Variants in ZHX2 observed in about 807,000 individuals in gnomAD.
The protein encoded by ZHX2 is zinc fingers and homeoboxes 2, also known as zinc fingers and homeoboxes protein 2.
In ZHX2, 6 loss-of-function variants were observed where a neutral mutation model predicts 21.9. That is an observed-to-expected ratio of 0.27 (90% CI 0.15 to 0.54). ZHX2 has a LOEUF of 0.54. Ranked by LOEUF, ZHX2 falls within the 20% of genes least tolerant of loss-of-function variation. The pLI is 0.95. For missense variants in ZHX2, 908 were observed against 1,090.7 expected, an observed-to-expected ratio of 0.83 and a Z score of 2.36; for synonymous variants, 434 against 437.1, an observed-to-expected ratio of 0.99 and a Z score of 0.09.
intron 1 of ZHX2, among the ~76,000 whole-genome samples, chr8:122,841,047 G>T (rs1238516165): frequency 6.6e-6 from 1 of 152,142 alleles, no homozygotes; most frequent in African/African-American, 2.4e-5. Flanking sequence ...CTCTTGTTTC[G>T]AACACTGAGC....
chr8:122,943,775 T>C (rs1053284436), intron 2 of ZHX2, among the ~76,000 whole-genome samples: 110 of 152,304 alleles, frequency 7.2e-4, no homozygotes, highest in African/African-American at 2.5e-3. Context: ...TTGTTCTTCA[T>C]TGATGTGCCT....
chr8:122,820,363 G>A (rs771493881), intron 1 of ZHX2, among the ~76,000 whole-genome samples: 35 of 152,238 alleles, frequency 2.3e-4, no homozygotes, highest in Non-Finnish European at 4.6e-4. Flanking sequence ...CTGTGGAGAA[G>A]CCCATATATA....
chr8:122,915,727 A>C (rs1820585047), intron 2 of ZHX2, among the ~76,000 whole-genome samples: 1 of 152,186 alleles, frequency 6.6e-6, no homozygotes. Context: ...TGCGTGTCTC[A>C]TTTGCAACAG....
chr8:122,914,596 C>T (rs1459714970), intron 2 of ZHX2, among the ~76,000 whole-genome samples: 2 of 152,180 alleles, frequency 1.3e-5, no homozygotes, highest in Non-Finnish European at 2.9e-5. Context: ...TTACCACTTC[C>T]CAGATTCGCC....
chr8:122,858,825 G>C (rs1819097487), intron 1 of ZHX2, among the ~76,000 whole-genome samples: 1 of 152,074 alleles, frequency 6.6e-6, no homozygotes, highest in South Asian at 2.1e-4. Context: ...ATTTTTAGTA[G>C]AGACAGGATT....
intron 2 of ZHX2, among the ~76,000 whole-genome samples, chr8:122,899,528 G>A (rs1820177196): frequency 6.6e-6 from 1 of 152,194 alleles, no homozygotes; most frequent in Admixed American, 6.5e-5. Context: ...CAAGCCCTTT[G>A]AGGCAATAGA....
At chr8:122,824,186 T>C (rs1402344755) in intron 1 of ZHX2, among the ~76,000 whole-genome samples, 1 of 152,200 alleles carries the variant, frequency 6.6e-6, no homozygotes, top group Non-Finnish European at 1.5e-5. Flanking sequence ...ACCTGCTCTT[T>C]CTCATCACTA....
At chr8:122,821,292 A>G (rs1482079695) in intron 1 of ZHX2, among the ~76,000 whole-genome samples, 1 of 152,090 alleles carries the variant, frequency 6.6e-6, no homozygotes, top group African/African-American at 2.4e-5. Flanking sequence ...GGGCGCTGGG[A>G]TGGGATACAA....
chr8:122,800,638 A>C (rs1817700931), intron 1 of ZHX2, among the ~76,000 whole-genome samples: 1 of 152,240 alleles, frequency 6.6e-6, no homozygotes, highest in African/African-American at 2.4e-5. Context: ...GCAACTGATG[A>C]AACATCTTTG....
At chr8:122,830,901 C>G (rs970777224) in intron 1 of ZHX2, among the ~76,000 whole-genome samples, 9 of 152,280 alleles carry the variant, frequency 5.9e-5, no homozygotes, top group African/African-American at 2.2e-4. Flanking sequence ...TGGCGGGTTT[C>G]TAGAGCCAGC....
intron 1 of ZHX2, among the ~76,000 whole-genome samples, chr8:122,784,896 G>A (rs149052823): frequency 2.0e-5 from 3 of 152,316 alleles, no homozygotes; most frequent in East Asian, 3.9e-4. Context: ...AATGCAGAGC[G>A]CATAACCAGA....
chr8:122,928,908 A>T (rs1171840352), intron 2 of ZHX2, among the ~76,000 whole-genome samples: 1 of 152,200 alleles, frequency 6.6e-6, no homozygotes, highest in African/African-American at 2.4e-5. Context: ...AGTTTTCCAT[A>T]AAGATAGGAC....
rs1475860722 is a variant in ZHX2 at position 122,961,851 on chromosome 8, CA to C, written c.*4+7824del. ...AAGCCTAACAATATCACCCCTAGAG[CA>C]GGGTTCTAGCATTAGTACCAATAGA... On this transcript the variant is annotated intron_variant, in intron 3 of 3. Coordinates refer to ENST00000314393, the MANE Select transcript of ZHX2 (RefSeq NM_014943.5). Among the ~76,000 whole-genome samples, 4 of 152,280 alleles carry C rather than the reference CA, an allele frequency of 2.6e-5. No homozygotes were observed. In the East Asian group the frequency reaches 7.7e-4, roughly 29 times the overall value.
chr8:122,905,485 T>A (rs951488559), intron 2 of ZHX2, among the ~76,000 whole-genome samples: 4 of 152,232 alleles, frequency 2.6e-5, no homozygotes, highest in Admixed American at 1.3e-4. Context: ...GCTAAGAGGA[T>A]TTTTAGCCAA....
chr8:122,801,768 TAA>T (rs1405206332), intron 1 of ZHX2, among the ~76,000 whole-genome samples: 2 of 152,010 alleles, frequency 1.3e-5, no homozygotes, highest in African/African-American at 4.8e-5. Context: ...AAAAAGAGAT[TAA>T]AGAGGCAGAG....
At position 122,782,869 on chromosome 8, in the gene ZHX2, C is replaced by G. The variant is rs1039764632; in HGVS notation, c.-283+923C>G. On this transcript the variant is annotated intron_variant, in intron 1 of 3. Coordinates refer to ENST00000314393, the MANE Select transcript of ZHX2 (RefSeq NM_014943.5). The surrounding 1 kb of genome is among the most constrained non-coding windows in gnomAD (Gnocchi z 5.3). ...TTCGTCTGCCCCACAAGAGGTTAAT[C>G]TTTGTTGGTGTTGCAGCTTCTTTGT... Among the ~76,000 whole-genome samples, 12 of 152,226 alleles carry G rather than the reference C, an allele frequency of 7.9e-5. No individual in the cohort carries two copies.
intron 1 of ZHX2, among the ~76,000 whole-genome samples, chr8:122,803,758 C>T (rs1355093972): frequency 6.6e-6 from 1 of 152,194 alleles, no homozygotes; most frequent in Non-Finnish European, 1.5e-5. Context: ...CAGTAGTGCT[C>T]CCCCTGGCAG....
intron 2 of ZHX2, among the ~76,000 whole-genome samples, chr8:122,917,415 T>G (rs998597238): frequency 2.6e-5 from 4 of 152,106 alleles, no homozygotes; most frequent in Non-Finnish European, 5.9e-5. Context: ...AAGCCCACAG[T>G]GGATTCTGCA....
intron 1 of ZHX2, among the ~76,000 whole-genome samples, chr8:122,801,025 A>G (rs1817709938): frequency 6.6e-6 from 1 of 152,244 alleles, no homozygotes; most frequent in Non-Finnish European, 1.5e-5. Flanking sequence ...TTAACAGCAT[A>G]AAAGGTGCAT....
Sources: allele counts gnomAD v4.1 joint callset (sites outside exome capture counted in the v4.1 genomes callset), GRCh38; gene constraint gnomAD v4.1.1; non-coding constraint Gnocchi (gnomAD v3.1); transcripts MANE v1.5; gene names NCBI Gene and HGNC (gene_info 2026-07-23, HGNC 2026-07-21).